Variants in ABI3BP observed in about 807,000 individuals in gnomAD.
ABI3BP encodes target of Nesh-SH3.
ABI3BP carries 216 observed loss-of-function variants against 268.6 expected under a neutral mutation model. The ratio of observed to expected loss-of-function variants is 0.80; its 90% confidence interval spans 0.72 to 0.90. ABI3BP has a LOEUF of 0.90. Among genes scored for constraint, ABI3BP ranks in the 40% least tolerant of loss-of-function variants. The pLI, the probability that ABI3BP is intolerant of heterozygous loss-of-function variation, is 0.00. For missense variants in ABI3BP, 2,090 were observed against 2,182.4 expected (o/e 0.96, Z 0.84); for synonymous variants, 730 against 730.0 (o/e 1.00, Z 0.00).
At position 100,850,672 on chromosome 3, in the gene ABI3BP, T is replaced by G. The variant is rs772914381; in HGVS notation, c.1414A>C (p.Arg472=). The change falls in exon 16 of 68, where the codon AGG becomes CGG. Residue 472 remains arginine (R), a synonymous_variant. Transcript: ENST00000471714. ...PKTSRTLEQP[R]ATLAPSETPF... The stretch of plus-strand genomic sequence containing the variant: ...TTAAAAACATTACCCAGTGTTGCCC[T>G]TGGCTGTTCAAGAGTTCTAGAAGTT... The G allele has an allele frequency of 6.2e-7, 1 of 1,611,780 alleles. No homozygotes were observed. Among genetic ancestry groups the G allele is most frequent in the Non-Finnish European group, 8.5e-7 (1 of 1,178,044 alleles).
intron 1 of ABI3BP, among the ~76,000 whole-genome samples, chr3:100,992,947 C>G (rs565378162): frequency 7.9e-5 from 12 of 152,330 alleles, no homozygotes; most frequent in African/African-American, 2.9e-4. Context: ...GATTCAGTCT[C>G]TGGGGAGGAG....
At chr3:100,981,755 A>T (rs1181162761) in intron 1 of ABI3BP, among the ~76,000 whole-genome samples, 1 of 151,978 alleles carries the variant, frequency 6.6e-6, no homozygotes, top group South Asian at 2.1e-4. Context: ...TGTTGAAAAC[A>T]CTCCCAGTGT....
chr3:100,909,442 T>C (rs2055189363), intron 2 of ABI3BP, among the ~76,000 whole-genome samples: 1 of 151,744 alleles, frequency 6.6e-6, no homozygotes, highest in East Asian at 1.9e-4. Context: ...GAGCTTCTTC[T>C]GCACAGCAAA....
Position 100,940,786 on chromosome 3 carries a change from CTATATATATATATATATATATA to C in ABI3BP, c.80-14327_80-14306del, listed in dbSNP as rs1167503911. The stretch of plus-strand genomic sequence containing the variant: ...CTCATTTACAAAGGAAATTACTTCA[CTATATATATATATATATATATA>C]TATATATATATATATATATATATGA... On this transcript the variant is annotated intron_variant, in intron 1 of 67. Coordinates refer to ENST00000471714, the MANE Select transcript of ABI3BP (RefSeq NM_001375547.2). Among the ~76,000 whole-genome samples, 91 of 10,144 alleles carry C rather than the reference CTATATATATATATATATATATA, an allele frequency of 9.0e-3. 12 individuals are homozygous for C. Among genetic ancestry groups the C allele is most frequent in the Admixed American group, 0.021 (14 of 678 alleles). The allele number at this position is 10,144 out of a possible 152,430, so 6.7% of individuals were successfully genotyped here.
chr3:100,983,789 C>A (rs1386090147), intron 1 of ABI3BP, among the ~76,000 whole-genome samples: 1 of 152,138 alleles, frequency 6.6e-6, no homozygotes, highest in Non-Finnish European at 1.5e-5. Flanking sequence ...TTAAAAATCA[C>A]AGTCACAGCT....
intron 40 of ABI3BP, among the ~76,000 whole-genome samples, chr3:100,819,037 C>T (rs1283911890): frequency 6.6e-6 from 1 of 152,138 alleles, no homozygotes; most frequent in African/African-American, 2.4e-5. Flanking sequence ...ATTTCATTTG[C>T]AGTAAAGGCA....
At chr3:100,905,737 GA>G (rs1454056938) in intron 2 of ABI3BP, among the ~76,000 whole-genome samples, 4 of 151,990 alleles carry the variant, frequency 2.6e-5, no homozygotes, top group African/African-American at 9.7e-5. Flanking sequence ...TTTCACTTAG[GA>G]ATTAAAGGCC....
chr3:100,988,303 T>G (rs1294581094), intron 1 of ABI3BP, among the ~76,000 whole-genome samples: 3 of 152,178 alleles, frequency 2.0e-5, no homozygotes, highest in Non-Finnish European at 4.4e-5. Flanking sequence ...GTAAGAGCCT[T>G]CCTCTCCAAA....
chr3:100,894,691 G>A (rs1366390497), intron 4 of ABI3BP, among the ~76,000 whole-genome samples: 2 of 152,012 alleles, frequency 1.3e-5, no homozygotes, highest in Non-Finnish European at 2.9e-5. Flanking sequence ...TGTAATCCCA[G>A]CACTTTGGGA....
chr3:100,778,287 C>T lies in ABI3BP; in HGVS notation c.4330G>A (p.Ala1444Thr). The T allele has an allele frequency of 6.2e-7, 1 of 1,613,560 alleles. No homozygotes were observed. The highest frequency in any genetic ancestry group is 8.5e-7 in the Non-Finnish European group (1 of 1,179,686). ...GGAAGGTACATGACTAACGTACCTG[C>T]ACTTCCTGGCTTTCCAGTGACATTA... is the stretch of plus-strand genomic sequence containing the variant. ...PNNVTGKPGS[A>T]GIISSGPITT... Residue 1444 changes from alanine to threonine, a missense_variant, in exon 59 of 68, where the codon GCA becomes ACA. Coordinates refer to ENST00000471714, the MANE Select transcript of ABI3BP (RefSeq NM_001375547.2).
intron 2 of ABI3BP, among the ~76,000 whole-genome samples, chr3:100,905,182 G>A (rs1295448621): frequency 4.6e-5 from 7 of 152,034 alleles, no homozygotes; most frequent in Non-Finnish European, 1.0e-4. Context: ...AACACCGCAT[G>A]TTCTCACTCA....
intron 1 of ABI3BP, among the ~76,000 whole-genome samples, chr3:100,959,878 A>G (rs1443720826): frequency 6.6e-6 from 1 of 152,212 alleles, no homozygotes; most frequent in Non-Finnish European, 1.5e-5. Flanking sequence ...AATGCATGCA[A>G]ATGTTCAGGC....
chr3:100,839,556 G>T lies in ABI3BP; in HGVS notation c.1945+13C>A. On this transcript the variant is annotated intron_variant, in intron 24 of 67. Transcript: ENST00000471714. ...ACCCGTGAAAGCAGCCGTGGTGGAG[G>T]GAGTAGAATTACCAGTTGTGGGCAC... 6.5e-7 allele frequency: 1 copy of T among 1,535,744 alleles called. No homozygotes were observed. The highest frequency in any genetic ancestry group is 8.7e-7 in the Non-Finnish European group (1 of 1,146,624).
chr3:100,891,028 T>C (rs994221779), intron 4 of ABI3BP, among the ~76,000 whole-genome samples: 1 of 151,022 alleles, frequency 6.6e-6, no homozygotes, highest in African/African-American at 2.4e-5. Flanking sequence ...TTTTATTTGG[T>C]AGTTTTACAT....
intron 1 of ABI3BP, among the ~76,000 whole-genome samples, chr3:100,980,760 T>C (rs1371646735): frequency 6.6e-6 from 1 of 152,228 alleles, no homozygotes; most frequent in Admixed American, 6.5e-5. Context: ...AATTACAGGA[T>C]CACCATTTCT....
chr3:100,751,435 A>G, intron 67 of ABI3BP, 117 bp downstream of exon 67: 1 of 1,089,110 alleles, frequency 9.2e-7, no homozygotes, highest in Non-Finnish European at 1.2e-6. Flanking sequence ...TTTTTCCTAG[A>G]TATGTGGAGC....
intron 36 of ABI3BP, 105 bp from the exon 37 acceptor site, chr3:100,823,619 C>CAAA (rs72135669): frequency 0.028 from 20,287 of 730,252 alleles, 710 homozygotes; most frequent in East Asian, 0.26. Flanking sequence ...TCCAGAGAAA[C>CAAA]AAAAAAAAAA....
chr3:100,906,859 G>A (rs17398137), intron 2 of ABI3BP, among the ~76,000 whole-genome samples: 18,547 of 152,162 alleles, frequency 0.12, 1,376 homozygotes, highest in Middle Eastern at 0.2. Flanking sequence ...ATTAGAGGAC[G>A]CCTGCATTGC....
chr3:100,825,172 G>T (rs2098350635), intron 35 of ABI3BP, among the ~76,000 whole-genome samples: 1 of 152,122 alleles, frequency 6.6e-6, no homozygotes, highest in South Asian at 2.1e-4. Context: ...ATTAGCACTT[G>T]TATTGAGAAA....
Sources: allele counts gnomAD v4.1 joint callset (sites outside exome capture counted in the v4.1 genomes callset), GRCh38; gene constraint gnomAD v4.1.1; transcripts MANE v1.5; gene names NCBI Gene and HGNC (gene_info 2026-07-23, HGNC 2026-07-21).